The following AUTS2 variants were observed in gnomAD, a reference collection of about 807,000 sequenced individuals.
AUTS2 encodes activator of transcription and developmental regulator AUTS2.
A neutral mutation model predicts 112.4 loss-of-function variants in AUTS2; 17 were observed. That is an observed-to-expected ratio of 0.15 (90% confidence interval 0.10 to 0.23). The LOEUF (loss-of-function observed/expected upper bound fraction) is 0.23, where lower values mean the gene tolerates loss of function less well. Among genes scored for constraint, AUTS2 ranks in the 10% least tolerant of loss-of-function variants. The pLI is 1.00. For synonymous variants in AUTS2, 751 were observed against 702.7 expected (o/e 1.07, Z -1.09); for missense variants, 1,510 against 1,701.6 (o/e 0.89, Z 1.98).
At chr7:69,756,124 C>A (rs1220384302) in intron 1 of AUTS2, among the ~76,000 whole-genome samples, 3 of 152,198 alleles carry the variant, frequency 2.0e-5, no homozygotes, top group African/African-American at 7.2e-5. Context: ...CATTGCAACC[C>A]TGTGTAATAG....
chr7:70,679,809 G>A (rs542839633), intron 5 of AUTS2, among the ~76,000 whole-genome samples: 2 of 152,318 alleles, frequency 1.3e-5, no homozygotes, highest in South Asian at 4.1e-4. Flanking sequence ...ATCTGTGTGG[G>A]TTTGGGGGAA....
intron 5 of AUTS2, among the ~76,000 whole-genome samples, chr7:70,549,512 T>C (rs1800931224): frequency 6.6e-6 from 1 of 152,216 alleles, no homozygotes; most frequent in South Asian, 2.1e-4. Context: ...AATGGGTGAC[T>C]GCATTAGCAA....
At chr7:70,269,860 A>G (rs747362165) in intron 4 of AUTS2, among the ~76,000 whole-genome samples, 2 of 152,096 alleles carry the variant, frequency 1.3e-5, no homozygotes, top group Non-Finnish European at 2.9e-5. Context: ...TACTCCTATA[A>G]TGTGTGAAAT....
chr7:70,275,608 A>T (rs538338992), intron 4 of AUTS2, among the ~76,000 whole-genome samples: 18 of 152,204 alleles, frequency 1.2e-4, no homozygotes, highest in African/African-American at 4.3e-4. Flanking sequence ...CTCTGTCCCC[A>T]CCCAAGTCTT....
intron 4 of AUTS2, among the ~76,000 whole-genome samples, chr7:70,156,889 AGT>A (rs1807793894): frequency 1.1e-5 from 1 of 92,584 alleles, no homozygotes; most frequent in Non-Finnish European, 2.1e-5. Flanking sequence ...CTCTACTAAA[AGT>A]AAAAAAAAAA....
intron 1 of AUTS2, among the ~76,000 whole-genome samples, chr7:69,881,109 AC>A (rs1277851503): frequency 6.6e-6 from 1 of 152,204 alleles, no homozygotes; most frequent in African/African-American, 2.4e-5. Flanking sequence ...GGACATAAAA[AC>A]ACATTAGAAC....
intron 4 of AUTS2, among the ~76,000 whole-genome samples, chr7:70,184,644 T>C (rs1185012206): frequency 1.3e-5 from 2 of 152,206 alleles, no homozygotes; most frequent in African/African-American, 4.8e-5. Flanking sequence ...TTGACTATAA[T>C]TGAAATTTTT....
chr7:69,946,005 C>G (rs972832757), intron 2 of AUTS2, among the ~76,000 whole-genome samples: 1 of 151,958 alleles, frequency 6.6e-6, no homozygotes, highest in African/African-American at 2.4e-5. Context: ...GTCTGGCTGG[C>G]TGATTTTTTA....
chr7:70,384,432 A>G (rs1793517325), intron 4 of AUTS2, among the ~76,000 whole-genome samples: 1 of 152,224 alleles, frequency 6.6e-6, no homozygotes, highest in Non-Finnish European at 1.5e-5. Flanking sequence ...TTTGAAACAT[A>G]TAATTGGGAT....
chr7:70,357,849 T>C (rs1369730923), intron 4 of AUTS2, among the ~76,000 whole-genome samples: 1 of 152,200 alleles, frequency 6.6e-6, no homozygotes, highest in Non-Finnish European at 1.5e-5. Flanking sequence ...TTATGCATCG[T>C]CATTAAATTT....
chr7:70,394,380 T>C (rs140417419), intron 4 of AUTS2, among the ~76,000 whole-genome samples: 365 of 152,338 alleles, frequency 2.4e-3, no homozygotes, highest in African/African-American at 8.3e-3. Flanking sequence ...AAGACTTGAA[T>C]GCAAAGATTC....
chr7:70,091,657 C>T (rs1803928614), intron 2 of AUTS2, among the ~76,000 whole-genome samples: 1 of 152,134 alleles, frequency 6.6e-6, no homozygotes, highest in African/African-American at 2.4e-5. Context: ...TTCTTTTTGG[C>T]TTTCCTACCT....
At chr7:69,733,759 A>G (rs521259) in intron 1 of AUTS2, among the ~76,000 whole-genome samples, 103,804 of 151,930 alleles carry the variant, frequency 0.68, 35,554 homozygotes, top group East Asian at 0.78. Context: ...TCCCTGCAAG[A>G]TGTTCTGAGA....
intron 4 of AUTS2, among the ~76,000 whole-genome samples, chr7:70,241,237 A>C (rs1812596746): frequency 1.3e-5 from 2 of 152,234 alleles, no homozygotes; most frequent in African/African-American, 4.8e-5. Flanking sequence ...TTTGTACCTA[A>C]GATTCCAGGC....
chr7:70,237,853 C>T (rs1211001351), intron 4 of AUTS2, among the ~76,000 whole-genome samples: 3 of 152,106 alleles, frequency 2.0e-5, no homozygotes, highest in Admixed American at 1.3e-4. Flanking sequence ...AAATATTATC[C>T]CCTCGGCACA....
chr7:69,816,493 TCTTCG>T (rs1173077666), intron 1 of AUTS2, among the ~76,000 whole-genome samples: 2 of 152,170 alleles, frequency 1.3e-5, no homozygotes, highest in Non-Finnish European at 2.9e-5. Flanking sequence ...GTAGGTAAGC[TCTTCG>T]GCCCCGTGCA....
At chr7:70,582,376 C>T (rs548231462) in intron 5 of AUTS2, among the ~76,000 whole-genome samples, 7 of 152,322 alleles carry the variant, frequency 4.6e-5, no homozygotes, top group East Asian at 3.9e-4. Context: ...CTGAGGCCTA[C>T]GGAGTGGGTT....
intron 6 of AUTS2, among the ~76,000 whole-genome samples, chr7:70,725,030 T>C (rs2129551868): frequency 6.6e-6 from 1 of 152,336 alleles, no homozygotes; most frequent in African/African-American, 2.4e-5. Flanking sequence ...ACCTGTGTCT[T>C]AGAAATGAAG....
intron 1 of AUTS2, among the ~76,000 whole-genome samples, chr7:69,773,470 A>AG (rs1788755677): frequency 1.3e-5 from 2 of 152,042 alleles, no homozygotes; most frequent in African/African-American, 2.4e-5. Context: ...AAAAAAAAAA[A>AG]AAAAAAGCTT....
Sources: gnomAD v4.1 joint callset for allele counts (sites outside exome capture counted in the v4.1 genomes callset) on GRCh38, gnomAD v4.1.1 for gene constraint, MANE v1.5 for transcripts, NCBI Gene and HGNC (gene_info 2026-07-23, HGNC 2026-07-21) for gene names.